Variants in OSBPL9 observed in about 807,000 individuals in gnomAD.
The protein encoded by OSBPL9 is oxysterol binding protein like 9.
Under a neutral mutation model 106.6 loss-of-function variants are expected in OSBPL9, and 40 were observed. The ratio of observed to expected loss-of-function variants is 0.38; its 90% CI spans 0.29 to 0.49. The LOEUF is 0.49. Ranked by LOEUF, OSBPL9 falls within the 20% of genes least tolerant of loss-of-function variation. The pLI, the probability that OSBPL9 is intolerant of heterozygous loss-of-function variation, is 0.97. For synonymous variants in OSBPL9, 269 were observed against 295.4 expected (o/e 0.91, Z 0.92); for missense variants, 609 against 887.2 (o/e 0.69, Z 3.98).
chr1:51,592,961 A>G (rs1021055985), intron 1 of OSBPL9, among the ~76,000 whole-genome samples: 1 of 152,166 alleles, frequency 6.6e-6, no homozygotes, highest in African/African-American at 2.4e-5. Context: ...TCACAAGATT[A>G]GCCTCAAAGG....
chr1:51,673,162 G>T (rs1650307859), intron 3 of OSBPL9, among the ~76,000 whole-genome samples: 1 of 152,180 alleles, frequency 6.6e-6, no homozygotes, highest in Admixed American at 6.5e-5. Context: ...AATGAATGTG[G>T]TACTTTGGAA....
chr1:51,711,697 G>GAT, intron 3 of OSBPL9, among the ~76,000 whole-genome samples: 1 of 143,106 alleles, frequency 7.0e-6, no homozygotes, highest in Non-Finnish European at 1.6e-5. Context: ...CTTCTCAGAC[G>GAT]GGGCGGCCGG....
At chr1:51,627,420 C>T (rs1255285704) in intron 1 of OSBPL9, among the ~76,000 whole-genome samples, 1 of 152,120 alleles carries the variant, frequency 6.6e-6, no homozygotes, top group African/African-American at 2.4e-5. Flanking sequence ...ATTGTTTTGG[C>T]ATTCTTGTTG....
chr1:51,784,082 G>A, intron 18 of OSBPL9, 57 bp downstream of exon 18: 1 of 1,495,830 alleles, frequency 6.7e-7, no homozygotes, highest in South Asian at 1.1e-5. Context: ...TATGAAAATG[G>A]CTAGACTAGA....
intron 2 of OSBPL9, among the ~76,000 whole-genome samples, chr1:51,602,500 G>A (rs1645329797): frequency 7.7e-6 from 1 of 129,642 alleles, no homozygotes; most frequent in Non-Finnish European, 1.6e-5. Context: ...ACAGCCCTTT[G>A]GAACCCTGAC....
the OSBPL9 span, among the ~76,000 whole-genome samples, chr1:51,569,949 T>A: frequency 1.3e-5 from 2 of 152,160 alleles, no homozygotes; most frequent in Non-Finnish European, 2.9e-5. Flanking sequence ...GGCTGAGTCA[T>A]AAGGAGGTGA....
intron 16 of OSBPL9, 79 bp from the exon 17 acceptor site, chr1:51,782,480 G>GT: frequency 8.3e-7 from 1 of 1,204,400 alleles, no homozygotes; most frequent in Non-Finnish European, 1.2e-6. Flanking sequence ...AGAGCGAGCA[G>GT]AGACCCCAAT....
At chr1:51,609,147 C>T (rs932523063) in intron 2 of OSBPL9, among the ~76,000 whole-genome samples, 7 of 152,046 alleles carry the variant, frequency 4.6e-5, no homozygotes, top group African/African-American at 1.2e-4. Context: ...AAGTATTTTC[C>T]GTAGGCCTTA....
intron 1 of OSBPL9, among the ~76,000 whole-genome samples, chr1:51,581,283 G>C (rs1645220283): frequency 6.6e-6 from 1 of 151,918 alleles, no homozygotes; most frequent in Non-Finnish European, 1.5e-5. Context: ...AGAGGTTATA[G>C]GTTTTGGGGA....
intron 15 of OSBPL9, among the ~76,000 whole-genome samples, chr1:51,780,633 G>T (rs1040907881): frequency 6.6e-6 from 1 of 152,170 alleles, no homozygotes; most frequent in African/African-American, 2.4e-5. Flanking sequence ...CCAAGCTGGT[G>T]GCAAGCACCT....
rs145643288 is a variant in OSBPL9 at position 51,743,919 on chromosome 1, T to G, written c.319-1617T>G. Among the ~76,000 whole-genome samples the G allele has an allele frequency of 5.4e-3, 817 of 152,316 alleles. 10 individuals are homozygous for G. The highest frequency in any genetic ancestry group is 6.2e-3 in the Non-Finnish European group (421 of 68,010). On this transcript the variant is annotated intron_variant, in intron 4 of 23. Coordinates refer to ENST00000428468, the MANE Select transcript of OSBPL9 (RefSeq NM_024586.6). ...GGGTTATCTTTAAAAATGAAGAAGTTTAAACACAGTTTTATAAATATATCT... is the reference window on the plus strand; with the variant it reads ...GGGTTATCTTTAAAAATGAAGAAGTGTAAACACAGTTTTATAAATATATCT...
chr1:51,622,202 C>T (rs1450176603), intron 1 of OSBPL9, among the ~76,000 whole-genome samples: 1 of 151,988 alleles, frequency 6.6e-6, no homozygotes, highest in Non-Finnish European at 1.5e-5. Flanking sequence ...GAAGTGGTTG[C>T]TTTGGGGCAT....
chr1:51,755,470 T>C (rs1045562262), intron 8 of OSBPL9, among the ~76,000 whole-genome samples: 3 of 152,214 alleles, frequency 2.0e-5, no homozygotes, highest in Non-Finnish European at 2.9e-5. Context: ...AAAAGTAATA[T>C]GCGTTCAATA....
chr1:51,702,333 CG>C (rs1194685479), intron 3 of OSBPL9, among the ~76,000 whole-genome samples: 1 of 151,994 alleles, frequency 6.6e-6, no homozygotes, highest in Non-Finnish European at 1.5e-5. Context: ...TTTTAATGAT[CG>C]CCATTCTAAC....
At chr1:51,721,346 G>A (rs1662094131) in intron 4 of OSBPL9, among the ~76,000 whole-genome samples, 1 of 151,910 alleles carries the variant, frequency 6.6e-6, no homozygotes, top group South Asian at 2.1e-4. Context: ...GTTTTAGGGT[G>A]GTCCAATTAC....
At chr1:51,578,304 A>C (rs1478591559) in intron 1 of OSBPL9, among the ~76,000 whole-genome samples, 1 of 152,216 alleles carries the variant, frequency 6.6e-6, no homozygotes, top group Admixed American at 6.5e-5. Context: ...AGAGGTTAGA[A>C]TAGAACTCAA....
the OSBPL9 span, among the ~76,000 whole-genome samples, chr1:51,542,471 C>T: frequency 6.6e-6 from 1 of 152,136 alleles, no homozygotes; most frequent in African/African-American, 2.4e-5. Context: ...TTAAGGGCAA[C>T]CATTTGAACG....
intron 1 of OSBPL9, among the ~76,000 whole-genome samples, chr1:51,580,028 C>G (rs896996492): frequency 1.3e-5 from 2 of 152,208 alleles, no homozygotes; most frequent in African/African-American, 2.4e-5. Flanking sequence ...CCATGTTTGC[C>G]TCTAGCAATC....
intron 13 of OSBPL9, among the ~76,000 whole-genome samples, 168 bp from the exon 14 acceptor site, chr1:51,772,437 C>T (rs542932342): frequency 6.6e-6 from 1 of 152,298 alleles, no homozygotes; most frequent in East Asian, 1.9e-4. Context: ...ATTGCTTGAA[C>T]CTGGAAGATG....
Sources: allele counts gnomAD v4.1 joint callset (sites outside exome capture counted in the v4.1 genomes callset), GRCh38; gene constraint gnomAD v4.1.1; transcripts MANE v1.5; gene names NCBI Gene and HGNC (gene_info 2026-07-23, HGNC 2026-07-21).